The following DNAJC13 variants were observed in gnomAD, a reference collection of about 807,000 sequenced individuals.
DNAJC13 encodes dnaJ homolog subfamily C member 13.
DNAJC13 carries 75 observed loss-of-function variants against 290.5 expected under a neutral mutation model. That is an observed-to-expected ratio of 0.26 (90% confidence interval 0.21 to 0.31). The LOEUF (loss-of-function observed/expected upper bound fraction) is 0.31, where lower values mean the gene tolerates loss of function less well. Among genes scored for constraint, DNAJC13 ranks in the 10% least tolerant of loss-of-function variants. DNAJC13 has a pLI of 1.00. For missense variants in DNAJC13, 2,260 were observed against 2,674.5 expected (o/e 0.85, Z 3.42); for synonymous variants, 862 against 892.0 (o/e 0.97, Z 0.60).
At chr3:132,430,362 A>G (rs1446286492) in intron 1 of DNAJC13, among the ~76,000 whole-genome samples, 1 of 151,984 alleles carries the variant, frequency 6.6e-6, no homozygotes, top group Non-Finnish European at 1.5e-5. Flanking sequence ...TTTTGTTATT[A>G]TGAGATTATT....
Position 132,434,571 on chromosome 3 carries a change from T to C in DNAJC13, c.21T>C (p.Asn7=), listed in dbSNP as rs1285068526. The change falls in exon 2 of 56, where the codon AAT becomes AAC. Residue 7 remains asparagine (N), a synonymous_variant. Transcript: ENST00000260818. ...ACAAAATGAACATAATTAGGGAAAATAAGGATCTGGCATGTTTCTACACAA... is the reference window on the plus strand; with the variant it reads ...ACAAAATGAACATAATTAGGGAAAACAAGGATCTGGCATGTTTCTACACAA... MNIIRE[N]KDLACFYTTK... is the part of the protein sequence containing the mutation. 6.2e-7 allele frequency: 1 copy of C among 1,612,352 alleles called. No homozygotes were observed. Among genetic ancestry groups the C allele is most frequent in the Admixed American group, 1.7e-5 (1 of 59,740 alleles).
chr3:132,513,173 A>G (rs1935830051), intron 45 of DNAJC13, 74 bp downstream of exon 45: 1 of 1,268,846 alleles, frequency 7.9e-7, no homozygotes, highest in Non-Finnish European at 1.1e-6. Context: ...TCTATCAGTC[A>G]TTGTCTGAAG....
At chr3:132,536,611 T>C (rs2107761238) in intron 55 of DNAJC13, among the ~76,000 whole-genome samples, 1 of 152,322 alleles carries the variant, frequency 6.6e-6, no homozygotes. Context: ...GGTCTTACTG[T>C]TAAGGGTTAC....
Position 132,483,528 on chromosome 3 carries a change from A to G in DNAJC13, c.3133A>G (p.Thr1045Ala). Residue 1045 changes from threonine (T) to alanine (A), a missense_variant, in exon 28 of 56, where the codon ACC becomes GCC. Physicochemically the swap from Thr to Ala is moderately conservative, Grantham distance 58. Around this residue, in one of 3 missense-constraint regions of DNAJC13, gnomAD observed 1,494 missense variants for 1,693.7 expected, o/e 0.88. Transcript: ENST00000260818. ...TGTCCTGAATGAAACTGACCTTGCT[A>G]CCCTTATATTGAACATGTTGATCAC... ...QAVLNETDLATLILNMLITMC... is the reference protein window; with the variant it reads ...QAVLNETDLAALILNMLITMC... 6.2e-7 allele frequency: 1 copy of G among 1,614,090 alleles called. No individual in the cohort carries two copies. The highest frequency in any genetic ancestry group is 8.5e-7 in the Non-Finnish European group (1 of 1,179,992).
chr3:132,443,667 C>T (rs1933147396), intron 2 of DNAJC13, among the ~76,000 whole-genome samples: 1 of 152,146 alleles, frequency 6.6e-6, no homozygotes, highest in Non-Finnish European at 1.5e-5. Flanking sequence ...TTTGCCCCAT[C>T]CTTAAGCGGA....
intron 34 of DNAJC13, among the ~76,000 whole-genome samples, chr3:132,494,506 A>G (rs766663253): frequency 2.6e-5 from 4 of 152,142 alleles, no homozygotes; most frequent in Non-Finnish European, 5.9e-5. Flanking sequence ...ATGTATGCAG[A>G]GTATCTGGCA....
rs1435282575 is a variant in DNAJC13 at position 132,479,260 on chromosome 3, C to G, written c.2743C>G (p.Leu915Val). 2 of 1,608,378 alleles carry G rather than the reference C, an allele frequency of 1.2e-6. No individual in the cohort carries two copies. Among genetic ancestry groups the G allele is most frequent in the African/African-American group, 1.3e-5 (1 of 74,768 alleles). ...TAAACTTGAACGAGATAGGTTGATT[C>G]TCTTCCTTAACAAGTTGATCCTTAA... ...TDKLERDRLI[L>V]FLNKLILNKK... Residue 915 changes from leucine to valine, a missense_variant, in exon 25 of 56, where the codon CTC becomes GTC. Transcript: ENST00000260818.
chr3:132,459,732 A>G (rs986807757), intron 13 of DNAJC13, among the ~76,000 whole-genome samples: 1 of 152,148 alleles, frequency 6.6e-6, no homozygotes, highest in Non-Finnish European at 1.5e-5. Flanking sequence ...TATTACTCCT[A>G]CTTTACAGCT....
intron 48 of DNAJC13, 124 bp from the exon 49 acceptor site, chr3:132,522,704 G>A (rs1430248752): frequency 2.6e-6 from 2 of 769,788 alleles, no homozygotes; most frequent in African/African-American, 3.6e-5. Flanking sequence ...TTTAGGTAAT[G>A]GTTATGGCCC....
intron 55 of DNAJC13, among the ~76,000 whole-genome samples, chr3:132,533,887 CA>C (rs1389589148): frequency 1.3e-5 from 2 of 152,104 alleles, no homozygotes; most frequent in African/African-American, 4.8e-5. Flanking sequence ...ACCTGGACTT[CA>C]TTTGGTCCTC....
rs765892766 is a variant in DNAJC13, at chr3:132,525,686, C to T, written c.6137C>T (p.Pro2046Leu). 46 of 1,614,180 alleles carry T rather than the reference C, an allele frequency of 2.8e-5. No individual in the cohort carries two copies. Among genetic ancestry groups the T allele is most frequent in the Non-Finnish European group, 3.9e-5 (46 of 1,180,026 alleles). The change falls in exon 52 of 56, where the codon CCG becomes CTG. Residue 2046 changes from proline to leucine, a missense_variant. This residue lies in a region of DNAJC13 where 1,494 missense variants were observed against 1,693.7 expected (regional missense o/e 0.88). Transcript: ENST00000260818. ...CAACCTCAGCTGGCAGATCAGGTCC[C>T]GCCATTGGGCCATCTTCCCAAAGTT... ...SAQPQLADQVPPLGHLPKVIQ... is the reference protein window; with the variant it reads ...SAQPQLADQVLPLGHLPKVIQ...
At chr3:132,522,716 CA>C (rs1250794173) in intron 48 of DNAJC13, 111 bp from the exon 49 acceptor site, 13 of 890,436 alleles carry the variant, frequency 1.5e-5, no homozygotes, top group Non-Finnish European at 2.2e-5. Flanking sequence ...TTATGGCCCA[CA>C]TAAGTCATAA....
chr3:132,496,497 T>G, intron 35 of DNAJC13, 31 bp from the exon 36 acceptor site: 1 of 1,528,956 alleles, frequency 6.5e-7, no homozygotes, highest in Non-Finnish European at 8.8e-7. Context: ...ACATTCCAAA[T>G]TAACGTTAAA....
At chr3:132,444,095 C>A (rs1454335649) in intron 2 of DNAJC13, among the ~76,000 whole-genome samples, 1 of 152,072 alleles carries the variant, frequency 6.6e-6, no homozygotes. Flanking sequence ...GGTGGGCAAG[C>A]GAGCCAGCAT....
At chr3:132,489,756 A>G (rs776551235) in intron 31 of DNAJC13, among the ~76,000 whole-genome samples, 6 of 152,148 alleles carry the variant, frequency 3.9e-5, no homozygotes, top group Non-Finnish European at 7.4e-5. Context: ...ATGAAGCCCT[A>G]GAAAGTAACC....
At chr3:132,424,152 G>A (rs1221000862) in intron 1 of DNAJC13, among the ~76,000 whole-genome samples, 1 of 152,112 alleles carries the variant, frequency 6.6e-6, no homozygotes, top group Non-Finnish European at 1.5e-5. Flanking sequence ...TCAAAGCATT[G>A]CTTAAGTGAA....
intron 20 of DNAJC13, among the ~76,000 whole-genome samples, chr3:132,468,302 T>C (rs1934068820): frequency 6.6e-6 from 1 of 152,222 alleles, no homozygotes; most frequent in Non-Finnish European, 1.5e-5. Context: ...TTACTTATGG[T>C]AGCTATTGCC....
chr3:132,488,530 G>T, intron 30 of DNAJC13, 78 bp downstream of exon 30: 3 of 1,322,584 alleles, frequency 2.3e-6, no homozygotes, highest in Non-Finnish European at 3.1e-6. Context: ...TTATTTGTGA[G>T]TACCTTATTG....
At chr3:132,436,577 C>G (rs956634490) in intron 2 of DNAJC13, among the ~76,000 whole-genome samples, 1 of 152,166 alleles carries the variant, frequency 6.6e-6, no homozygotes, top group African/African-American at 2.4e-5. Context: ...TGTGGTAACT[C>G]TGTTTAACTT....
Sources: gnomAD v4.1 joint callset for allele counts (sites outside exome capture counted in the v4.1 genomes callset) on GRCh38, gnomAD v4.1.1 for gene constraint, gnomAD v4.1.1 regional missense constraint, MANE v1.5 for transcripts, NCBI Gene and HGNC (gene_info 2026-07-23, HGNC 2026-07-21) for gene names.